RUNX1: variants seen among roughly 807,000 people sequenced by gnomAD.
RUNX1 encodes runt-related transcription factor 1.
RUNX1 carries 19 observed loss-of-function variants against 42.8 expected under a neutral mutation model. The ratio of observed to expected loss-of-function variants is 0.44; its 90% CI spans 0.31 to 0.65. The LOEUF is 0.65. RUNX1 is among the 30% of genes least tolerant of loss of function. RUNX1 has a pLI of 0.07. For missense variants in RUNX1, 528 were observed against 672.0 expected, an observed-to-expected ratio of 0.79 and a Z score of 2.37; for synonymous variants, 271 against 289.4, an observed-to-expected ratio of 0.94 and a Z score of 0.64.
At chr21:34,867,828 T>C (rs1168958891) in intron 5 of RUNX1, among the ~76,000 whole-genome samples, 4 of 152,146 alleles carry the variant, frequency 2.6e-5, no homozygotes, top group Admixed American at 6.5e-5. Flanking sequence ...CCTGCTGCCC[T>C]GTGCTTCCCC....
At chr21:34,872,380 C>A (rs1383539898) in intron 5 of RUNX1, among the ~76,000 whole-genome samples, 1 of 152,184 alleles carries the variant, frequency 6.6e-6, no homozygotes, top group Admixed American at 6.5e-5. Flanking sequence ...CCACCCCCAC[C>A]TGCAGCCACT....
At chr21:34,815,024 GGAAATGAACAACC>G (rs560938640) in intron 7 of RUNX1, among the ~76,000 whole-genome samples, 425 of 151,890 alleles carry the variant, frequency 2.8e-3, no homozygotes, top group African/African-American at 9.7e-3. Flanking sequence ...TAACTTCTTT[GGAAATGAACAACC>G]TTTCCAAAAA....
intron 2 of RUNX1, among the ~76,000 whole-genome samples, chr21:34,916,518 T>C (rs1313597348): frequency 2.0e-5 from 3 of 152,066 alleles, no homozygotes; most frequent in Non-Finnish European, 4.4e-5. Flanking sequence ...CACAGAGGTA[T>C]AAGGCAAGTG....
chr21:34,883,529 C>T (rs2057937040), intron 4 of RUNX1, among the ~76,000 whole-genome samples: 1 of 152,140 alleles, frequency 6.6e-6, no homozygotes, highest in African/African-American at 2.4e-5. Context: ...AAATATCTAA[C>T]TTCAAACAGA....
intron 2 of RUNX1, among the ~76,000 whole-genome samples, chr21:34,995,481 C>T (rs903087527): frequency 1.5e-5 from 2 of 132,696 alleles, no homozygotes; most frequent in African/African-American, 5.7e-5. Context: ...TGCTCTGTCA[C>T]CCAGGCTGGA....
intron 2 of RUNX1, among the ~76,000 whole-genome samples, chr21:34,948,343 C>T (rs2058581046): frequency 6.6e-6 from 1 of 152,086 alleles, no homozygotes; most frequent in African/African-American, 2.4e-5. Context: ...CATCTCTGCC[C>T]CACCTCAAGC....
intron 2 of RUNX1, among the ~76,000 whole-genome samples, chr21:35,040,435 G>A (rs1174438500): frequency 6.6e-6 from 1 of 152,062 alleles, no homozygotes; most frequent in Non-Finnish European, 1.5e-5. Context: ...CTTCTCTCTT[G>A]AGCAATGAGT....
At position 35,048,946 on chromosome 21, in the gene RUNX1, T is replaced by C. The variant is rs765712439; in HGVS notation, c.-47A>G. ...CCTCTTCTGAAGGCGGGGGACTCAA[T>C]GATTTCTTTTACCTTCGGAGCGAAA... On this transcript the variant is annotated 5_prime_UTR_variant, in exon 2 of 9. Coordinates refer to ENST00000675419, the MANE Select transcript of RUNX1 (RefSeq NM_001754.5). 1 of 1,568,438 alleles carries C rather than the reference T, an allele frequency of 6.4e-7. No homozygotes were observed. The highest frequency in any genetic ancestry group is 8.8e-7 in the Non-Finnish European group (1 of 1,139,132).
Position 34,930,270 on chromosome 21 carries a change from G to GTGTGTATATATATA in RUNX1, c.59-37308_59-37307insTATATATATACACA, listed in dbSNP as rs372412304. 3.1e-4 allele frequency among the ~76,000 whole-genome samples: 38 copies of GTGTGTATATATATA among 123,014 alleles called. 2 individuals carry two copies. The highest frequency in any genetic ancestry group is 1.4e-3 in the African/African-American group (38 of 26,660). The allele number at this position is 123,014 out of a possible 152,430, so 80.7% of individuals were successfully genotyped here. On this transcript the variant is annotated intron_variant, in intron 2 of 8. Coordinates refer to ENST00000675419, the MANE Select transcript of RUNX1 (RefSeq NM_001754.5). ...ATGTATATTATACGTGTGTGTGTAT[G>GTGTGTATATATATA]TATATATATATATATATATATAAAT... is the stretch of plus-strand genomic sequence containing the variant.
At chr21:35,048,668 T>C (rs1266267145) in intron 2 of RUNX1, among the ~76,000 whole-genome samples, 174 bp downstream of exon 2, 2 of 152,208 alleles carry the variant, frequency 1.3e-5, no homozygotes, top group African/African-American at 2.4e-5. Flanking sequence ...TCCATCTGAT[T>C]AGTAAGTAAT....
In RUNX1 at chr21:34,793,596, C is replaced by A. The variant is rs543337627; in HGVS notation, c.968-986G>T. 3.3e-5 allele frequency among the ~76,000 whole-genome samples: 5 copies of A among 152,266 alleles called. No homozygotes were observed. The East Asian group carries it at 9.6e-4, about 29-fold the overall frequency. ...TTCAGTGTCCATCCATACTTCGGAA[C>A]ACATCCTCACTCATTCTTTCATGTA... On this transcript the variant is annotated intron_variant, in intron 8 of 8. Transcript: ENST00000675419.
At chr21:34,826,500 T>C (rs1378658644) in intron 7 of RUNX1, among the ~76,000 whole-genome samples, 8 of 134,844 alleles carry the variant, frequency 5.9e-5, no homozygotes. Flanking sequence ...TGCAGTAACA[T>C]GATCTCAGCT....
chr21:35,003,505 A>G (rs138746552), intron 2 of RUNX1, among the ~76,000 whole-genome samples: 1 of 148,678 alleles, frequency 6.7e-6, no homozygotes, highest in Non-Finnish European at 1.5e-5. Context: ...GTGAACAAGA[A>G]GGAGAAAAGC....
At chr21:34,952,471 T>C (rs977752625) in intron 2 of RUNX1, among the ~76,000 whole-genome samples, 1 of 152,038 alleles carries the variant, frequency 6.6e-6, no homozygotes, top group Non-Finnish European at 1.5e-5. Context: ...GTACCTGAGG[T>C]GGCAATTTGG....
intron 2 of RUNX1, among the ~76,000 whole-genome samples, chr21:34,966,610 A>C (rs2058720316): frequency 6.6e-6 from 1 of 152,218 alleles, no homozygotes; most frequent in African/African-American, 2.4e-5. Flanking sequence ...CATTCAGAGA[A>C]GGCTTCACCC....
intron 2 of RUNX1, among the ~76,000 whole-genome samples, chr21:34,969,958 G>T (rs570122817): frequency 6.6e-6 from 1 of 152,290 alleles, no homozygotes; most frequent in South Asian, 2.1e-4. Context: ...TGGGGATTTT[G>T]ACATTTCTTG....
intron 2 of RUNX1, among the ~76,000 whole-genome samples, chr21:34,974,138 G>C (rs2058782815): frequency 6.6e-6 from 1 of 152,136 alleles, no homozygotes; most frequent in South Asian, 2.1e-4. Flanking sequence ...TGCAAAGAGA[G>C]AAACTAACTG....
At chr21:34,889,464 A>G (rs2843957) in intron 3 of RUNX1, among the ~76,000 whole-genome samples, 152,292 of 152,292 alleles carry the variant, frequency 1, 76,146 homozygotes, top group Non-Finnish European at 1. Context: ...CGGCCAGCGA[A>G]GAGTTTCCTA....
intron 2 of RUNX1, among the ~76,000 whole-genome samples, chr21:34,962,369 C>T (rs551535340): frequency 6.6e-6 from 1 of 152,322 alleles, no homozygotes; most frequent in South Asian, 2.1e-4. Flanking sequence ...GAACTCAAAA[C>T]AGGATGTTCT....
Sources: allele counts gnomAD v4.1 joint callset (sites outside exome capture counted in the v4.1 genomes callset), GRCh38; gene constraint gnomAD v4.1.1; transcripts MANE v1.5; gene names NCBI Gene and HGNC (gene_info 2026-07-23, HGNC 2026-07-21).